Variants in UBL3 observed in about 807,000 individuals in gnomAD.
UBL3 encodes the protein ubiquitin like 3.
A neutral mutation model predicts 18.4 loss-of-function variants in UBL3; 6 were observed. That is an observed-to-expected ratio of 0.33 (90% CI 0.18 to 0.64). The LOEUF is 0.64. Among genes scored for constraint, UBL3 ranks in the 30% least tolerant of loss-of-function variants. UBL3 has a pLI of 0.76. For missense variants in UBL3, 109 were observed against 142.9 expected (o/e 0.76, Z 1.21); for synonymous variants, 49 against 46.6 (o/e 1.05, Z -0.21).
rs141005101 is a variant in UBL3 at position 29,808,909 on chromosome 13, C to A, written c.28-31646G>T. ...AAGTGCAAGTTGGAAGAGTTTTTAA[C>A]TTTTAATTGAAAAAAAATTGGATTA... On this transcript the variant is annotated intron_variant, in intron 1 of 4. Transcript: ENST00000380680. 1.2e-3 allele frequency among the ~76,000 whole-genome samples: 190 copies of A among 152,122 alleles called. 1 individual carries two copies. Among genetic ancestry groups the A allele is most frequent in the African/African-American group, 4.4e-3 (183 of 41,534 alleles).
At chr13:29,801,119 G>A (rs188142761) in intron 1 of UBL3, among the ~76,000 whole-genome samples, 1 of 152,260 alleles carries the variant, frequency 6.6e-6, no homozygotes, top group Admixed American at 6.5e-5. Context: ...CAGATGCAGG[G>A]GTACTGCCCT....
intron 1 of UBL3, among the ~76,000 whole-genome samples, chr13:29,792,471 T>C (rs1458693319): frequency 6.6e-6 from 1 of 152,224 alleles, no homozygotes; most frequent in African/African-American, 2.4e-5. Context: ...AACTTATTAT[T>C]CAAAAGTGAT....
At chr13:29,817,190 C>T (rs1878303725) in intron 1 of UBL3, among the ~76,000 whole-genome samples, 1 of 152,134 alleles carries the variant, frequency 6.6e-6, no homozygotes, top group South Asian at 2.1e-4. Context: ...TTTATTTATT[C>T]TGGAGTAAAT....
chr13:29,776,250 T>A (rs1565989083), intron 2 of UBL3, among the ~76,000 whole-genome samples: 2 of 131,172 alleles, frequency 1.5e-5, no homozygotes, highest in Admixed American at 1.8e-4. Flanking sequence ...TTTCTTTTTT[T>A]TCTTTTCTTT....
At position 29,849,816 on chromosome 13, in the gene UBL3, AG is replaced by A. The variant is rs1879323891; in HGVS notation, c.-279del. 1 of 565,882 alleles carries A rather than the reference AG, an allele frequency of 1.8e-6. No homozygotes were observed. 35.1% of individuals were successfully genotyped at this position (565,882 alleles called of 1,614,324 possible). ...CGTCGTCGTCGTCAACAGCAGCAGC[AG>A]CCCCAGGACCGGCCGCGCCAGGTGG... On this transcript the variant is annotated 5_prime_UTR_variant, in exon 1 of 5. An upstream open reading frame in the 5' UTR loses its in-frame stop. Coordinates refer to ENST00000380680, the MANE Select transcript of UBL3 (RefSeq NM_007106.4).
chr13:29,772,977 T>A (rs1876883736), intron 2 of UBL3, among the ~76,000 whole-genome samples: 1 of 152,136 alleles, frequency 6.6e-6, no homozygotes, highest in Admixed American at 6.5e-5. Flanking sequence ...ACTAGTGTTA[T>A]GATAGGGTAA....
chr13:29,771,776 C>G (rs1876846455), intron 3 of UBL3, among the ~76,000 whole-genome samples: 1 of 151,876 alleles, frequency 6.6e-6, no homozygotes, highest in African/African-American at 2.4e-5. Context: ...ATAAATTTTT[C>G]CTAGTTTGTG....
intron 1 of UBL3, among the ~76,000 whole-genome samples, chr13:29,796,622 G>A (rs1877620243): frequency 6.6e-6 from 1 of 152,120 alleles, no homozygotes; most frequent in African/African-American, 2.4e-5. Context: ...AATTGGAAGT[G>A]ACACTGCCCA....
At chr13:29,832,390 T>C (rs922402136) in intron 1 of UBL3, among the ~76,000 whole-genome samples, 1 of 151,660 alleles carries the variant, frequency 6.6e-6, no homozygotes, top group African/African-American at 2.4e-5. Context: ...CAGACTGCAG[T>C]GGCGCTATCT....
chr13:29,767,607 G>A lies in UBL3; in HGVS notation c.301+11C>T. The A allele has an allele frequency of 6.2e-7, 1 of 1,612,044 alleles. No individual in the cohort carries two copies. Among genetic ancestry groups the A allele is most frequent in the Non-Finnish European group, 8.5e-7 (1 of 1,178,784 alleles). ...GCCTCAACTGAGATACTTTTCCAGTGCATGGCTTACCTTGAGAGTTTGGCT... is the reference window on the plus strand; with the variant it reads ...GCCTCAACTGAGATACTTTTCCAGTACATGGCTTACCTTGAGAGTTTGGCT... On this transcript the variant is annotated intron_variant, in intron 4 of 4. Coordinates refer to ENST00000380680, the MANE Select transcript of UBL3 (RefSeq NM_007106.4).
At chr13:29,806,424 C>G (rs928562489) in intron 1 of UBL3, among the ~76,000 whole-genome samples, 6 of 152,150 alleles carry the variant, frequency 3.9e-5, no homozygotes, top group Non-Finnish European at 8.8e-5. Context: ...TTTTATCACT[C>G]TTGCCAATCA....
At chr13:29,779,244 G>A (rs1328035552) in intron 1 of UBL3, 3 of 507,282 alleles carry the variant, frequency 5.9e-6, no homozygotes, top group East Asian at 5.6e-5. Context: ...AGTCCTCACA[G>A]ATACATTACT....
At chr13:29,796,137 TG>T (rs1417588297) in intron 1 of UBL3, among the ~76,000 whole-genome samples, 8 of 152,300 alleles carry the variant, frequency 5.3e-5, no homozygotes, top group Admixed American at 2.0e-4. Flanking sequence ...TTAAGTCATT[TG>T]CTAAAAGGCT....
chr13:29,787,244 T>C (rs1877344432), intron 1 of UBL3, among the ~76,000 whole-genome samples: 1 of 152,064 alleles, frequency 6.6e-6, no homozygotes, highest in Non-Finnish European at 1.5e-5. Context: ...AATCAAAATA[T>C]AAAACTCACA....
intron 1 of UBL3, among the ~76,000 whole-genome samples, chr13:29,845,942 G>A (rs1458419779): frequency 6.6e-6 from 1 of 152,004 alleles, no homozygotes; most frequent in Non-Finnish European, 1.5e-5. Flanking sequence ...CTAAATAGTA[G>A]CCTAAATGTT....
Position 29,783,173 on chromosome 13 carries a change from C to T in UBL3, c.28-5910G>A, listed in dbSNP as rs141372486. On this transcript the variant is annotated intron_variant, in intron 1 of 4. Transcript: ENST00000380680. ...TGCAGATAGTTCAAATGCGTGAACA[C>T]CTCAATCTTTAATTTGTTTTGGGCT... Among the ~76,000 whole-genome samples the T allele has an allele frequency of 3.8e-3, 576 of 152,304 alleles. 16 individuals carry two copies. The highest frequency in any genetic ancestry group is 0.031 in the Middle Eastern group (9 of 294).
intron 1 of UBL3, among the ~76,000 whole-genome samples, chr13:29,811,453 T>C (rs927755775): frequency 1.3e-5 from 2 of 152,076 alleles, no homozygotes; most frequent in African/African-American, 4.8e-5. Flanking sequence ...GTACTAGCCA[T>C]GTGACCTAGT....
chr13:29,832,148 T>C (rs1878792937), intron 1 of UBL3, among the ~76,000 whole-genome samples: 1 of 152,166 alleles, frequency 6.6e-6, no homozygotes, highest in South Asian at 2.1e-4. Context: ...GACACAGCAG[T>C]TTAGAAAGAT....
intron 1 of UBL3, among the ~76,000 whole-genome samples, chr13:29,835,157 T>TATATATATATATAA (rs1878923741): frequency 1.8e-5 from 1 of 54,334 alleles, no homozygotes; most frequent in Non-Finnish European, 3.1e-5. Context: ...TATATATATA[T>TATATATATATATAA]ATATATATAT....
Sources: gnomAD v4.1 joint callset for allele counts (sites outside exome capture counted in the v4.1 genomes callset) on GRCh38, gnomAD v4.1.1 for gene constraint, MANE v1.5 for transcripts, NCBI Gene and HGNC (gene_info 2026-07-23, HGNC 2026-07-21) for gene names.